SPTB: variants seen among roughly 807,000 people sequenced by gnomAD.
SPTB encodes the protein spectrin beta chain, erythrocytic.
In SPTB, 45 loss-of-function variants were observed where a neutral mutation model predicts 256.2. The ratio of observed to expected loss-of-function variants is 0.18; its 90% CI spans 0.14 to 0.23. SPTB has a LOEUF of 0.23. Ranked by LOEUF, SPTB falls within the 10% of genes least tolerant of loss-of-function variation. SPTB has a pLI of 1.00. For synonymous variants in SPTB, 1,231 were observed against 1,243.1 expected (o/e 0.99, Z 0.21); for missense variants, 2,715 against 3,040.4 (o/e 0.89, Z 2.52).
intron 32 of SPTB, 120 bp downstream of exon 32, chr14:64,766,605 AG>A (rs1221695102): frequency 2.5e-6 from 4 of 1,606,806 alleles, no homozygotes; most frequent in Non-Finnish European, 3.4e-6. Flanking sequence ...GGATGTGGGG[AG>A]GATGGAGGGC....
At chr14:64,818,606 C>A (rs8004397) in intron 2 of SPTB, among the ~76,000 whole-genome samples, 8,294 of 152,182 alleles carry the variant, frequency 0.055, 815 homozygotes, top group African/African-American at 0.19. Context: ...CAGGCAGATG[C>A]CTCCTCTGGG....
At chr14:64,814,961 G>A (rs2083162177) in intron 2 of SPTB, among the ~76,000 whole-genome samples, 1 of 152,166 alleles carries the variant, frequency 6.6e-6, no homozygotes, top group South Asian at 2.1e-4. Flanking sequence ...TAGAATGGCA[G>A]GGAAGAAAAA....
At chr14:64,863,901 A>G (rs1019876192) in intron 1 of SPTB, among the ~76,000 whole-genome samples, 2 of 152,218 alleles carry the variant, frequency 1.3e-5, no homozygotes, top group African/African-American at 4.8e-5. Flanking sequence ...TCATCAGTAA[A>G]ATGGCAATTA....
intron 2 of SPTB, among the ~76,000 whole-genome samples, chr14:64,812,194 C>T (rs765012070): frequency 1.3e-5 from 2 of 152,250 alleles, no homozygotes; most frequent in Non-Finnish European, 2.9e-5. Context: ...GGTGATCTGC[C>T]TGCCTCGGCC....
At chr14:64,803,059 C>T (rs1035562758) in intron 4 of SPTB, among the ~76,000 whole-genome samples, 3 of 152,128 alleles carry the variant, frequency 2.0e-5, no homozygotes, top group African/African-American at 4.8e-5. Context: ...CTTTAGTCCG[C>T]GAGTTGTATG....
intron 15 of SPTB, among the ~76,000 whole-genome samples, chr14:64,788,047 T>C (rs143277127): frequency 2.3e-3 from 357 of 152,300 alleles, no homozygotes; most frequent in African/African-American, 8.1e-3. Flanking sequence ...CCCTGTGGGG[T>C]GTATGATTTA....
At position 64,785,605 on chromosome 14, in the gene SPTB, C is replaced by A. The variant is rs904850369; in HGVS notation, c.3787G>T (p.Ala1263Ser). The A allele has an allele frequency of 1.9e-6, 3 of 1,614,020 alleles. No homozygotes were observed. Among genetic ancestry groups the A allele is most frequent in the African/African-American group, 2.7e-5 (2 of 74,934 alleles). ...CTCAGTAGGACAGAGGCCTCCTGGG[C>A]CTTCTCGTTGTTCTTCCTGTGCCTG... ...EDRHRKNNEK[A>S]QEASVLLRDN... The change falls in exon 18 of 36, where the codon GCC becomes TCC. Residue 1263 changes from alanine to serine, a missense_variant. Coordinates refer to ENST00000644917, the MANE Select transcript of SPTB (RefSeq NM_001355436.2). This position sits in a 1 kb window ranked among gnomAD's most constrained non-coding sequence, Gnocchi z 4.4.
intron 1 of SPTB, among the ~76,000 whole-genome samples, chr14:64,854,337 G>A (rs2083837174): frequency 2.2e-5 from 2 of 90,334 alleles, no homozygotes; most frequent in South Asian, 3.7e-4. Context: ...GGAGTGCAGT[G>A]GTGCGATCTT....
chr14:64,799,437 T>C (rs1457675302), intron 9 of SPTB, among the ~76,000 whole-genome samples: 1 of 152,224 alleles, frequency 6.6e-6, no homozygotes, highest in Non-Finnish European at 1.5e-5. Flanking sequence ...AGAGGAGCTT[T>C]CCAGCCTGGG....
Position 64,795,358 on chromosome 14 carries a change from G to A in SPTB, c.1623C>T (p.Ile541=), listed in dbSNP as rs778772287. The change falls in exon 12 of 36, where the codon ATC becomes ATT. Residue 541 remains isoleucine (I), a synonymous_variant. Transcript: ENST00000644917. This position sits in a 1 kb window ranked among gnomAD's most constrained non-coding sequence, Gnocchi z 6.5. The part of the protein sequence containing the change: ...QKLFQDMLHS[I]DWMDEIKAHL... ...CCACCTTGATCTCATCCATCCAGTC[G>A]ATGCTGTGCAGCATGTCCTGGAAGA... The A allele has an allele frequency of 3.0e-5, 48 of 1,611,368 alleles. No individual in the cohort carries two copies. Among genetic ancestry groups the A allele is most frequent in the Middle Eastern group, 3.4e-4 (2 of 5,964 alleles).
chr14:64,763,143 G>A (rs926732006), intron 32 of SPTB, among the ~76,000 whole-genome samples: 4 of 152,184 alleles, frequency 2.6e-5, no homozygotes, highest in African/African-American at 9.7e-5. Flanking sequence ...GGAGAAAACA[G>A]CCTCTCACCA....
Position 64,771,139 on chromosome 14 carries a change from G to C in SPTB, c.5554-10C>G, listed in dbSNP as rs933667557. On this transcript the variant is annotated splice_polypyrimidine_tract_variant and intron_variant, in intron 26 of 35. Coordinates refer to ENST00000644917, the MANE Select transcript of SPTB (RefSeq NM_001355436.2). ...CCTGGAACTGCTGCACCTGTGGTCA[G>C]GCAAAATCAGACATTGTTCCCTGGA... The C allele has an allele frequency of 1.9e-6, 3 of 1,613,044 alleles. No homozygotes were observed. Among genetic ancestry groups the C allele is most frequent in the Non-Finnish European group, 1.7e-6 (2 of 1,180,014 alleles).
In SPTB at chr14:64,783,689, G is replaced by A. The variant is rs140777898; in HGVS notation, c.4002+558C>T. Among the ~76,000 whole-genome samples, 151 of 152,268 alleles carry A rather than the reference G, an allele frequency of 9.9e-4. 1 individual carries two copies. The highest frequency in any genetic ancestry group is 3.5e-3 in the African/African-American group (145 of 41,536). ...TCTGATCCTAGGGCTGCTTTTTCAT[G>A]GACAGCCATGGTAGAGATGAGCAAA... On this transcript the variant is annotated intron_variant, in intron 19 of 35. Transcript: ENST00000644917.
chr14:64,794,750 G>A (rs1226915280), intron 12 of SPTB, 133 bp from the exon 13 acceptor site: 1 of 1,178,224 alleles, frequency 8.5e-7, no homozygotes, highest in Admixed American at 1.9e-5. Flanking sequence ...GAAAAGGGCT[G>A]CTGCTGAGGA....
chr14:64,753,480 A>C, intron 33 of SPTB, 57 bp downstream of exon 33: 1 of 1,610,668 alleles, frequency 6.2e-7, no homozygotes, highest in South Asian at 1.1e-5. Flanking sequence ...CTGCTAGCAG[A>C]GAGATCCCTG....
rs2082781088 is a variant in SPTB at position 64,796,898 on chromosome 14, A to T, written c.1183-183T>A. On this transcript the variant is annotated intron_variant, in intron 10 of 35. Coordinates refer to ENST00000644917, the MANE Select transcript of SPTB (RefSeq NM_001355436.2). The surrounding 1 kb of genome is among the most constrained non-coding windows in gnomAD (Gnocchi z 4.1). Reference sequence around the variant, plus strand: ...TTTGGCTTTCATGTCTGGGCCCATCAAAGATTCAGAGGGCACTGCTCATGA... The same window carrying T: ...TTTGGCTTTCATGTCTGGGCCCATCTAAGATTCAGAGGGCACTGCTCATGA... 6.6e-6 allele frequency among the ~76,000 whole-genome samples: 1 copy of T among 152,184 alleles called. No individual in the cohort carries two copies. Among genetic ancestry groups the T allele is most frequent in the South Asian group, 2.1e-4 (1 of 4,830 alleles).
At chr14:64,808,606 T>A (rs2083029781) in intron 2 of SPTB, among the ~76,000 whole-genome samples, 1 of 152,116 alleles carries the variant, frequency 6.6e-6, no homozygotes, top group Non-Finnish European at 1.5e-5. Context: ...TTATCGTCAT[T>A]ACTACTGCTG....
chr14:64,795,709 G>A lies in SPTB; in HGVS notation c.1342-70C>T. 1 of 1,506,240 alleles carries A rather than the reference G, an allele frequency of 6.6e-7. No individual in the cohort carries two copies. Among genetic ancestry groups the A allele is most frequent in the East Asian group, 2.3e-5 (1 of 44,262 alleles). The allele number at this position is 1,506,240 out of a possible 1,614,324, so 93.3% of individuals were successfully genotyped here. On this transcript the variant is annotated intron_variant, in intron 11 of 35. Transcript: ENST00000644917. The surrounding 1 kb of genome is among the most constrained non-coding windows in gnomAD (Gnocchi z 6.5). ...GGGCTCATCCCCAAACTCAGGGACAGGGCAGCTCCCTTCAGAACCAGTGCT... is the reference window on the plus strand; with the variant it reads ...GGGCTCATCCCCAAACTCAGGGACAAGGCAGCTCCCTTCAGAACCAGTGCT...
intron 2 of SPTB, among the ~76,000 whole-genome samples, chr14:64,819,686 C>G (rs1051016074): frequency 1.8e-4 from 27 of 151,986 alleles, no homozygotes; most frequent in Admixed American, 1.8e-3. Flanking sequence ...ACTTCCAAGG[C>G]AAAGGAGGGT....
Sources: gnomAD v4.1 joint callset for allele counts (sites outside exome capture counted in the v4.1 genomes callset) on GRCh38, gnomAD v4.1.1 for gene constraint, Gnocchi (gnomAD v3.1) non-coding constraint, MANE v1.5 for transcripts, NCBI Gene and HGNC (gene_info 2026-07-23, HGNC 2026-07-21) for gene names.